The following PLPPR1 variants were observed in gnomAD, a reference collection of about 807,000 sequenced individuals.
The protein encoded by PLPPR1 is phospholipid phosphatase related 1.
A neutral mutation model predicts 33.1 loss-of-function variants in PLPPR1; 10 were observed. The observed-to-expected ratio is 0.30, with a 90% CI of 0.19 to 0.51. The LOEUF is 0.51. Ranked by LOEUF, PLPPR1 falls within the 20% of genes least tolerant of loss-of-function variation. PLPPR1 has a pLI of 0.97. For synonymous variants in PLPPR1, 151 were observed against 151.0 expected, an observed-to-expected ratio of 1.00 and a Z score of 0.00; for missense variants, 304 against 408.1, an observed-to-expected ratio of 0.74 and a Z score of 2.20.
intron 1 of PLPPR1, among the ~76,000 whole-genome samples, chr9:101,040,820 G>T (rs1830068354): frequency 6.6e-6 from 1 of 152,162 alleles, no homozygotes; most frequent in East Asian, 1.9e-4. Context: ...TAAGATGAGG[G>T]ACTCTGTATA....
intron 1 of PLPPR1, among the ~76,000 whole-genome samples, chr9:101,048,428 G>A (rs1396614700): frequency 6.6e-6 from 1 of 152,138 alleles, no homozygotes; most frequent in East Asian, 1.9e-4. Flanking sequence ...TAGAGCCCTT[G>A]GGCCTCTCAG....
chr9:101,044,020 A>G (rs1281400010), intron 1 of PLPPR1, among the ~76,000 whole-genome samples: 2 of 152,186 alleles, frequency 1.3e-5, no homozygotes, highest in Non-Finnish European at 1.5e-5. Context: ...GGTGAGACTT[A>G]ATTAAACTAA....
intron 1 of PLPPR1, among the ~76,000 whole-genome samples, chr9:101,055,660 A>C (rs1830271133): frequency 6.6e-6 from 1 of 152,182 alleles, no homozygotes; most frequent in Non-Finnish European, 1.5e-5. Context: ...CATCACGCAC[A>C]CAGAAGCTCT....
At chr9:101,156,487 G>T (rs1470787988) in intron 1 of PLPPR1, among the ~76,000 whole-genome samples, 1 of 142,932 alleles carries the variant, frequency 7.0e-6, no homozygotes, top group Non-Finnish European at 1.5e-5. Context: ...GGAGGCAGAA[G>T]TTGCAGTGAG....
At position 101,028,857 on chromosome 9, in the gene PLPPR1, C is replaced by T. The variant is rs116697584; in HGVS notation, c.-291C>T. On this transcript the variant is annotated 5_prime_UTR_variant, in exon 1 of 8. Transcript: ENST00000374874. ...ATGGGCGCCCAGCGGCATCTGTGAT[C>T]CCGCGCACCTCCGCCCCACGGGCGC... 0.027 allele frequency: 4,121 copies of T among 152,574 alleles called. 175 individuals are homozygous for T. Among genetic ancestry groups the T allele is most frequent in the African/African-American group, 0.093 (3,875 of 41,558 alleles). 9.5% of individuals were successfully genotyped at this position (152,574 alleles called of 1,614,324 possible).
intron 2 of PLPPR1, among the ~76,000 whole-genome samples, chr9:101,251,695 G>C (rs1827715071): frequency 6.6e-6 from 1 of 151,990 alleles, no homozygotes; most frequent in African/African-American, 2.4e-5. Context: ...TAACCCTAAA[G>C]GTGACTCTGG....
chr9:101,058,483 C>G (rs1830304856), intron 1 of PLPPR1, among the ~76,000 whole-genome samples: 1 of 152,096 alleles, frequency 6.6e-6, no homozygotes, highest in Admixed American at 6.6e-5. Flanking sequence ...AGAAACTCAA[C>G]CATCCCAGAC....
intron 1 of PLPPR1, among the ~76,000 whole-genome samples, chr9:101,094,731 G>C (rs1159705674): frequency 6.6e-6 from 1 of 152,164 alleles, no homozygotes; most frequent in Non-Finnish European, 1.5e-5. Context: ...AATGCATACA[G>C]CCAGGTGATC....
At chr9:101,189,703 T>C (rs543196387) in intron 2 of PLPPR1, among the ~76,000 whole-genome samples, 1 of 152,280 alleles carries the variant, frequency 6.6e-6, no homozygotes, top group East Asian at 1.9e-4. Context: ...GCAACATCTA[T>C]GTGTATCTTC....
In PLPPR1 at chr9:101,262,768, T is replaced by A. The variant is rs555902168; in HGVS notation, c.64-7112T>A. Among the ~76,000 whole-genome samples the A allele has an allele frequency of 5.6e-4, 85 of 152,286 alleles. 1 individual carries two copies. Among genetic ancestry groups the A allele is most frequent in the African/African-American group, 1.9e-3 (80 of 41,560 alleles). ...TGGAACCAACCCAAATGCCCATCAA[T>A]GATAGACTGGATAAAGAAATTGTGG... On this transcript the variant is annotated intron_variant, in intron 2 of 7. Coordinates refer to ENST00000374874, the MANE Select transcript of PLPPR1 (RefSeq NM_207299.2).
chr9:101,274,066 A>G (rs952368582), intron 3 of PLPPR1, among the ~76,000 whole-genome samples: 1 of 152,184 alleles, frequency 6.6e-6, no homozygotes, highest in African/African-American at 2.4e-5. Flanking sequence ...ATGTAGTACA[A>G]CTGCTCCCAT....
At chr9:101,145,222 A>C (rs1227338494) in intron 1 of PLPPR1, among the ~76,000 whole-genome samples, 1 of 152,230 alleles carries the variant, frequency 6.6e-6, no homozygotes, top group Non-Finnish European at 1.5e-5. Flanking sequence ...TGCAGTTAAT[A>C]GCAATGTATT....
At chr9:101,194,175 AT>A (rs926473095) in intron 2 of PLPPR1, among the ~76,000 whole-genome samples, 1 of 152,198 alleles carries the variant, frequency 6.6e-6, no homozygotes. Context: ...ATTTTGAGTG[AT>A]TTCAAGCATA....
intron 2 of PLPPR1, among the ~76,000 whole-genome samples, chr9:101,261,107 G>A (rs1222557220): frequency 6.6e-6 from 1 of 152,150 alleles, no homozygotes; most frequent in Non-Finnish European, 1.5e-5. Flanking sequence ...GGTTTTCAGT[G>A]TAAAAAGAAC....
At chr9:101,049,671 AAG>A (rs1830195015) in intron 1 of PLPPR1, among the ~76,000 whole-genome samples, 1 of 152,194 alleles carries the variant, frequency 6.6e-6, no homozygotes, top group South Asian at 2.1e-4. Context: ...GCTGGCTCCG[AAG>A]TTGCCATTCT....
chr9:101,217,242 C>T (rs924123893), intron 2 of PLPPR1, among the ~76,000 whole-genome samples: 2 of 151,544 alleles, frequency 1.3e-5, no homozygotes, highest in Non-Finnish European at 2.9e-5. Context: ...AATCACTGCC[C>T]TGCTTAAAAA....
At chr9:101,177,471 G>A (rs1408195768) in intron 1 of PLPPR1, among the ~76,000 whole-genome samples, 4 of 152,048 alleles carry the variant, frequency 2.6e-5, no homozygotes, top group African/African-American at 9.7e-5. Context: ...TTTTACTAAG[G>A]GTGTTTGTTG....
chr9:101,067,754 T>C (rs1830436132), intron 1 of PLPPR1, among the ~76,000 whole-genome samples: 1 of 152,076 alleles, frequency 6.6e-6, no homozygotes, highest in African/African-American at 2.4e-5. Flanking sequence ...ATGGACAGGG[T>C]AGACCAAGCA....
chr9:101,264,782 T>C (rs1445818512), intron 2 of PLPPR1, among the ~76,000 whole-genome samples: 1 of 152,138 alleles, frequency 6.6e-6, no homozygotes, highest in Admixed American at 6.5e-5. Context: ...TCACCCCAGA[T>C]TGCTCAGGGC....
Sources: gnomAD v4.1 joint callset for allele counts (sites outside exome capture counted in the v4.1 genomes callset) on GRCh38, gnomAD v4.1.1 for gene constraint, MANE v1.5 for transcripts, NCBI Gene and HGNC (gene_info 2026-07-23, HGNC 2026-07-21) for gene names.